Variants in PALM2AKAP2 observed in about 807,000 individuals in gnomAD.
PALM2AKAP2 encodes the protein PALM2 and AKAP2 fusion.
PALM2AKAP2 carries 37 observed loss-of-function variants against 71.5 expected under a neutral mutation model. That is an observed-to-expected ratio of 0.52 (90% CI 0.40 to 0.68). The LOEUF is 0.68. PALM2AKAP2 is among the 30% of genes least tolerant of loss of function. The probability of loss-of-function intolerance (pLI) is 0.00; values close to 1 mark genes in which losing one functional copy is unlikely to be tolerated. For synonymous variants in PALM2AKAP2, 468 were observed against 478.8 expected, an observed-to-expected ratio of 0.98 and a Z score of 0.29; for missense variants, 1,224 against 1,191.8, an observed-to-expected ratio of 1.03 and a Z score of -0.40.
chr9:109,929,251 A>C (rs1394365655), intron 5 of PALM2AKAP2, among the ~76,000 whole-genome samples: 1 of 151,148 alleles, frequency 6.6e-6, no homozygotes, highest in African/African-American at 2.4e-5. Context: ...GAGATCTCAC[A>C]TGGGCTCCAG....
chr9:109,931,269 T>G (rs1831094964), intron 5 of PALM2AKAP2, among the ~76,000 whole-genome samples: 1 of 152,224 alleles, frequency 6.6e-6, no homozygotes, highest in African/African-American at 2.4e-5. Context: ...GGGCTCCTTC[T>G]TTTACATAGC....
intron 3 of PALM2AKAP2, among the ~76,000 whole-genome samples, chr9:109,887,796 T>G (rs1445339515): frequency 6.6e-6 from 1 of 152,226 alleles, no homozygotes; most frequent in Non-Finnish European, 1.5e-5. Context: ...CTAAAGCATG[T>G]TCTCAAAAAT....
At chr9:110,091,456 A>ATTTTTTTTTTTT (rs1194438639) in intron 1 of PALM2AKAP2, among the ~76,000 whole-genome samples, 1 of 67,424 alleles carries the variant, frequency 1.5e-5, no homozygotes, top group Non-Finnish European at 3.0e-5. Flanking sequence ...TTTGAGATTT[A>ATTTTTTTTTTTT]TTCTTTTTTT....
chr9:110,105,595 T>C (rs377592018), intron 1 of PALM2AKAP2, among the ~76,000 whole-genome samples: 3 of 152,334 alleles, frequency 2.0e-5, no homozygotes, highest in African/African-American at 7.2e-5. Context: ...AATTAATCCA[T>C]TTAAAACCCC....
chr9:110,055,243 T>C (rs943349646), intron 1 of PALM2AKAP2, among the ~76,000 whole-genome samples: 4 of 152,124 alleles, frequency 2.6e-5, no homozygotes, highest in Admixed American at 6.6e-5. Flanking sequence ...TTGCCCAGGC[T>C]GGAGTGCAGT....
upstream of PALM2AKAP2, among the ~76,000 whole-genome samples, chr9:109,775,941 A>G (rs976121478): frequency 2.6e-5 from 4 of 152,266 alleles, no homozygotes; most frequent in Non-Finnish European, 4.4e-5. Flanking sequence ...TGAAGCATCT[A>G]TCATAAAAAC....
chr9:109,889,076 A>G (rs1182098257), intron 3 of PALM2AKAP2, among the ~76,000 whole-genome samples: 4 of 152,226 alleles, frequency 2.6e-5, no homozygotes, highest in Non-Finnish European at 5.9e-5. Flanking sequence ...ACAGAACCCT[A>G]AAAAGATTTA....
chr9:109,943,296 T>G, intron 6 of PALM2AKAP2: 1 of 1,614,198 alleles, frequency 6.2e-7, no homozygotes, highest in Non-Finnish European at 8.5e-7. Context: ...CGGCTGAGCT[T>G]GTGTCCGGGA....
At chr9:110,161,898 A>G (rs183907064) in intron 3 of PALM2AKAP2, among the ~76,000 whole-genome samples, 196 bp from the exon 10 acceptor site, 159 of 152,010 alleles carry the variant, frequency 1.0e-3, no homozygotes, top group Non-Finnish European at 1.4e-3. Flanking sequence ...ACAATAGGGT[A>G]TCTAGTTGCT....
chr9:109,825,833 A>G (rs1229137609), intron 1 of PALM2AKAP2, among the ~76,000 whole-genome samples: 1 of 152,210 alleles, frequency 6.6e-6, no homozygotes, highest in Non-Finnish European at 1.5e-5. Flanking sequence ...AGAACTAGAA[A>G]TACCATTTGA....
intron 6 of PALM2AKAP2, among the ~76,000 whole-genome samples, chr9:109,980,479 G>A (rs1027303030): frequency 1.2e-4 from 19 of 152,316 alleles, no homozygotes; most frequent in Middle Eastern, 6.8e-3. Context: ...GCAAGTGAGC[G>A]CTAAGTAACT....
intron 1 of PALM2AKAP2, among the ~76,000 whole-genome samples, chr9:109,716,260 G>A (rs1390857802): frequency 6.6e-6 from 1 of 152,048 alleles, no homozygotes; most frequent in Non-Finnish European, 1.5e-5. Context: ...TAATATTATT[G>A]AGGGTCAAAA....
intron 1 of PALM2AKAP2, among the ~76,000 whole-genome samples, chr9:109,849,945 T>G (rs568135217): frequency 6.6e-6 from 1 of 152,282 alleles, no homozygotes; most frequent in South Asian, 2.1e-4. Context: ...GATCAGGAAC[T>G]TCCCTGAAAT....
intron 1 of PALM2AKAP2, among the ~76,000 whole-genome samples, chr9:109,789,601 A>T (rs1827055819): frequency 6.6e-6 from 1 of 152,160 alleles, no homozygotes; most frequent in Non-Finnish European, 1.5e-5. Context: ...ATCTTAAAAC[A>T]CAAAGCACAG....
chr9:110,135,480 G>T (rs1002375742), intron 1 of PALM2AKAP2, among the ~76,000 whole-genome samples: 3 of 151,734 alleles, frequency 2.0e-5, no homozygotes, highest in African/African-American at 7.3e-5. Context: ...GGTACCATTG[G>T]CCATTAGTTT....
intron 3 of PALM2AKAP2, among the ~76,000 whole-genome samples, chr9:110,167,474 C>CAGTT (rs58740990): frequency 1.4e-5 from 1 of 69,660 alleles, no homozygotes; most frequent in African/African-American, 6.3e-5. Flanking sequence ...AATCTGGAAT[C>CAGTT]TCTTCTTGAT....
At chr9:110,115,291 TCA>T (rs1835339026) in intron 1 of PALM2AKAP2, among the ~76,000 whole-genome samples, 1 of 152,186 alleles carries the variant, frequency 6.6e-6, no homozygotes, top group South Asian at 2.1e-4. Flanking sequence ...TGGGGCAGAA[TCA>T]CAGTCAGAAC....
At chr9:110,162,227 G>C in intron 3 of PALM2AKAP2, 95 bp downstream of exon 10, 1 of 1,540,276 alleles carries the variant, frequency 6.5e-7, no homozygotes, top group Non-Finnish European at 9.0e-7. Context: ...AAACGAAAAT[G>C]GCAAGAAAAA....
chr9:109,769,944 C>A (rs1286259639), intron 1 of PALM2AKAP2, among the ~76,000 whole-genome samples: 2 of 152,080 alleles, frequency 1.3e-5, no homozygotes, highest in Non-Finnish European at 2.9e-5. Flanking sequence ...CCTAGAAGAA[C>A]TAAAGGCTGG....
Sources: gnomAD v4.1 joint callset for allele counts (sites outside exome capture counted in the v4.1 genomes callset) on GRCh38, gnomAD v4.1.1 for gene constraint, MANE v1.5 for transcripts, NCBI Gene and HGNC (gene_info 2026-07-23, HGNC 2026-07-21) for gene names.